The following KRT71 variants were observed in gnomAD, a reference collection of about 807,000 sequenced individuals.
KRT71 encodes keratin, type II cytoskeletal 71.
A neutral mutation model predicts 46.2 loss-of-function variants in KRT71; 42 were observed. That is an observed-to-expected ratio of 0.91 (90% CI 0.71 to 1.18). The LOEUF (loss-of-function observed/expected upper bound fraction) is 1.18, where lower values mean the gene tolerates loss of function less well. Among genes scored for constraint, KRT71 ranks in the 50% most tolerant of loss-of-function variants. The probability of loss-of-function intolerance (pLI) is 0.00; values close to 1 mark genes in which losing one functional copy is unlikely to be tolerated. For missense variants in KRT71, 708 were observed against 677.9 expected, an observed-to-expected ratio of 1.04 and a Z score of -0.49; for synonymous variants, 292 against 277.8, an observed-to-expected ratio of 1.05 and a Z score of -0.51.
rs929992766 is a variant in KRT71 at position 52,548,093 on chromosome 12, T to C, written c.978+59A>G. The stretch of plus-strand genomic sequence containing the variant: ...CACTGCTTCTATTCTGGGCACGATC[T>C]GTCTCCATCTGCTGCCCGCTGGCAT... On this transcript the variant is annotated intron_variant, in intron 5 of 8. Coordinates refer to ENST00000267119, the MANE Select transcript of KRT71 (RefSeq NM_033448.3). 1.1e-4 allele frequency: 171 copies of C among 1,601,502 alleles called. 1 individual carries two copies. The African/African-American group carries it at 2.0e-3, about 19-fold the overall frequency.
At chr12:52,548,057 A>G in intron 5 of KRT71, 75 bp from the exon 6 acceptor site, 2 of 1,601,106 alleles carry the variant, frequency 1.2e-6, no homozygotes, top group Non-Finnish European at 1.7e-6. Flanking sequence ...CACAACAGAC[A>G]CTTACTGGGA....
In KRT71 at chr12:52,544,512, G is replaced by A. The variant is rs752099022; in HGVS notation, c.*20C>T. On this transcript the variant is annotated 3_prime_UTR_variant, in exon 9 of 9. Transcript: ENST00000267119. ...CCAGAGCCGGGTCATGGAATGAGGCGGGGCCCGGGGCAGTCTTCTCTACCG... is the reference window on the plus strand; with the variant it reads ...CCAGAGCCGGGTCATGGAATGAGGCAGGGCCCGGGGCAGTCTTCTCTACCG... 75 of 1,606,962 alleles carry A rather than the reference G, an allele frequency of 4.7e-5. No homozygotes were observed. The highest frequency in any genetic ancestry group is 5.2e-5 in the Non-Finnish European group (61 of 1,173,674).
rs148505146 is a variant in KRT71 at position 52,552,905 on chromosome 12, T to G, written c.173A>C (p.Asn58Thr). The change falls in exon 1 of 9, where the codon AAT becomes ACT. Residue 58 changes from asparagine to threonine, a missense_variant. Asn to Thr is a moderately conservative substitution (Grantham distance 65). Transcript: ENST00000267119. ...LYSLGGVRSL[N>T]VASGSGKSGG... ...ACTCTTCCCGCTGCCACTGGCCACATTGAGGCTCCGGACACCCCCCAGGCT... is the reference window on the plus strand; with the variant it reads ...ACTCTTCCCGCTGCCACTGGCCACAGTGAGGCTCCGGACACCCCCCAGGCT... 1 of 1,614,138 alleles carries G rather than the reference T, an allele frequency of 6.2e-7. No individual in the cohort carries two copies. Among genetic ancestry groups the G allele is most frequent in the Non-Finnish European group, 8.5e-7 (1 of 1,180,020 alleles).
At chr12:52,548,503 C>T (rs372901030) in intron 4 of KRT71, among the ~76,000 whole-genome samples, 187 bp from the exon 5 acceptor site, 1 of 152,200 alleles carries the variant, frequency 6.6e-6, no homozygotes, top group Non-Finnish European at 1.5e-5. Flanking sequence ...TTCCCACTGC[C>T]GTGGAGCAAG....
Position 52,547,947 on chromosome 12 carries a change from C to T in KRT71, c.1014G>A (p.Gly338=), listed in dbSNP as rs1328184765. 3.7e-6 allele frequency: 6 copies of T among 1,614,088 alleles called. No individual in the cohort carries two copies. The South Asian group carries it at 5.5e-5, about 15-fold the overall frequency. ...CATTCTTGGTGTTTTTGAGGTCGTC[C>T]CCATGCCTGCCAGCTGCCAGCTGAA... ...QELQLAAGRH[G]DDLKNTKNEI... The change falls in exon 6 of 9, where the codon GGG becomes GGA. Residue 338 remains glycine, a synonymous_variant. Coordinates refer to ENST00000267119, the MANE Select transcript of KRT71 (RefSeq NM_033448.3).
In KRT71 at chr12:52,550,198, C is replaced by G. The variant is rs759666487; in HGVS notation, c.487G>C (p.Glu163Gln). Residue 163 changes from glutamate to glutamine, a missense_variant, in exon 2 of 9, where the codon GAG (glutamate) becomes CAG (glutamine). Physicochemically the swap from Glu to Gln is conservative, Grantham distance 29. Coordinates refer to ENST00000267119, the MANE Select transcript of KRT71 (RefSeq NM_033448.3). ...TTCAGGTCCAGCTGCTGCAGCAGCT[C>G]CCACTTGGTCTCCAGTACCTGGTTC... ...QQNQVLETKW[E>Q]LLQQLDLNNC... is the part of the protein sequence containing the mutation. 3 of 1,614,194 alleles carry G rather than the reference C, an allele frequency of 1.9e-6. No individual in the cohort carries two copies. In the Admixed American group the frequency reaches 5.0e-5, roughly 27 times the overall value.
At position 52,547,845 on chromosome 12, in the gene KRT71, A is replaced by C. The variant is rs751360676; in HGVS notation, c.1104+12T>G. 21 of 1,613,508 alleles carry C rather than the reference A, an allele frequency of 1.3e-5. No homozygotes were observed. The Admixed American group carries it at 3.5e-4, about 27-fold the overall frequency. On this transcript the variant is annotated intron_variant, in intron 6 of 8. Coordinates refer to ENST00000267119, the MANE Select transcript of KRT71 (RefSeq NM_033448.3). ...TGCACTTGACCACAGGCCAAGGCCAACGTGCTCTCACCTGCTTCTTCACGT... is the reference window on the plus strand; with the variant it reads ...TGCACTTGACCACAGGCCAAGGCCACCGTGCTCTCACCTGCTTCTTCACGT...
chr12:52,549,626 G>A (rs1939127108), intron 2 of KRT71, among the ~76,000 whole-genome samples: 1 of 152,188 alleles, frequency 6.6e-6, no homozygotes, highest in Admixed American at 6.5e-5. Context: ...ACCAGGATGT[G>A]AACTGCCCTC....
intron 5 of KRT71, 81 bp downstream of exon 5, chr12:52,548,071 T>C: frequency 6.2e-7 from 1 of 1,600,070 alleles, no homozygotes; most frequent in Non-Finnish European, 8.5e-7. Flanking sequence ...ACTGGGACAC[T>C]GCTTCTATTC....
chr12:52,548,642 A>T, intron 4 of KRT71, 59 bp downstream of exon 4: 1 of 1,457,244 alleles, frequency 6.9e-7, no homozygotes, highest in Non-Finnish European at 9.6e-7. Flanking sequence ...TGCAGCCCCT[A>T]GAATAGAGTT....
Position 52,552,802 on chromosome 12 carries a change from C to G in KRT71, c.276G>C (p.Val92=). ...CTCCAGGTGGGCATACAGTTGGGCA[C>G]ACAGGCCCCAGGGCCACACTGCCAA... ...SMFGSVALGP[V]CPTVCPPGGI... The change falls in exon 1 of 9, where the codon GTG becomes GTC. Residue 92 remains valine, a synonymous_variant. Coordinates refer to ENST00000267119, the MANE Select transcript of KRT71 (RefSeq NM_033448.3). 6.2e-7 allele frequency: 1 copy of G among 1,614,256 alleles called. No individual in the cohort carries two copies. The highest frequency in any genetic ancestry group is 8.5e-7 in the Non-Finnish European group (1 of 1,180,040).
In KRT71 at chr12:52,544,539, C is replaced by G. The variant is rs370957251; in HGVS notation, c.1565G>C (p.Ser522Thr). Residue 522 changes from serine to threonine, a missense_variant, in exon 9 of 9, where the codon AGT becomes ACT. Coordinates refer to ENST00000267119, the MANE Select transcript of KRT71 (RefSeq NM_033448.3). Reference sequence around the variant, plus strand: ...GGCCCGGGGCAGTCTTCTCTACCGACTGGTTTTCTTGGAGGGTGCACTCAG... The same window carrying G: ...GGCCCGGGGCAGTCTTCTCTACCGAGTGGTTTTCTTGGAGGGTGCACTCAG... ...SSLSAPSKKT[S>T]R The G allele has an allele frequency of 4.3e-6, 7 of 1,614,062 alleles. No homozygotes were observed. The African/African-American group carries it at 6.7e-5, about 15-fold the overall frequency.
In KRT71 at chr12:52,544,621, C is replaced by G; in HGVS notation, c.1483G>C (p.Gly495Arg). Reference protein sequence around the residue: ...SGVCSVRGGEGRSRGSANDYK... With the variant: ...SGVCSVRGGERRSRGSANDYK... ...TCGTTGGCACTGCCCCGGCTCCTGC[C>G]CTCCCCGCCTCTCACGCTGCACACT... Residue 495 changes from glycine to arginine, a missense_variant, in exon 9 of 9, where the codon GGC (glycine) becomes CGC (arginine). Transcript: ENST00000267119. 1 of 1,614,092 alleles carries G rather than the reference C, an allele frequency of 6.2e-7. No homozygotes were observed. Among genetic ancestry groups the G allele is most frequent in the Non-Finnish European group, 8.5e-7 (1 of 1,180,020 alleles).
intron 5 of KRT71, 35 bp downstream of exon 5, chr12:52,548,117 A>G (rs986147949): frequency 6.2e-7 from 1 of 1,607,866 alleles, no homozygotes; most frequent in Non-Finnish European, 8.5e-7. Context: ...GCCCGCTGGC[A>G]TCACCCTCCC....
At chr12:52,549,458 G>T (rs894096434) in intron 2 of KRT71, 105 bp from the exon 3 acceptor site, 2 of 926,196 alleles carry the variant, frequency 2.2e-6, no homozygotes, top group Non-Finnish European at 3.5e-6. Context: ...AGATACAGGT[G>T]CTGGGGGCCG....
chr12:52,547,822 C>G, intron 6 of KRT71, 35 bp downstream of exon 6: 1 of 1,610,484 alleles, frequency 6.2e-7, no homozygotes. Context: ...TGCTCCCCTG[C>G]ACTTGACCAC....
intron 6 of KRT71, among the ~76,000 whole-genome samples, chr12:52,547,550 T>C (rs1172544342): frequency 2.0e-5 from 3 of 152,100 alleles, no homozygotes; most frequent in East Asian, 3.9e-4. Context: ...GCAGTGTCAG[T>C]AATAACAGGA....
Position 52,549,309 on chromosome 12 carries a change from A to G in KRT71, c.701T>C (p.Phe234Ser). 1 of 1,613,758 alleles carries G rather than the reference A, an allele frequency of 6.2e-7. No individual in the cohort carries two copies. The highest frequency in any genetic ancestry group is 1.7e-5 in the Admixed American group (1 of 60,004). The change falls in exon 3 of 9, where the codon TTT (phenylalanine) becomes TCT (serine). Residue 234 changes from phenylalanine (F) to serine (S), a missense_variant. Coordinates refer to ENST00000267119, the MANE Select transcript of KRT71 (RefSeq NM_033448.3). ...INKRTAAENE[F>S]VLLKKDVDAA... ...TCCCCTCACCTTCTTGAGCAGCACA[A>G]ACTCGTTCTCTGCTGCTGTCCGCTT...
At chr12:52,544,805 C>T in intron 8 of KRT71, 62 bp from the exon 9 acceptor site, 1 of 1,423,018 alleles carries the variant, frequency 7.0e-7, no homozygotes, top group Non-Finnish European at 9.7e-7. Flanking sequence ...CTCCTTTTCC[C>T]CAGGGCAGAC....
Sources: gnomAD v4.1 joint callset for allele counts (sites outside exome capture counted in the v4.1 genomes callset) on GRCh38, gnomAD v4.1.1 for gene constraint, MANE v1.5 for transcripts, NCBI Gene and HGNC (gene_info 2026-07-23, HGNC 2026-07-21) for gene names.